Variants in RELN observed in about 807,000 individuals in gnomAD.
The protein encoded by RELN is reelin.
Under a neutral mutation model 427.6 loss-of-function variants are expected in RELN, and 108 were observed. The ratio of observed to expected loss-of-function variants is 0.25; its 90% CI spans 0.22 to 0.30. The LOEUF is 0.30. Among genes scored for constraint, RELN ranks in the 10% least tolerant of loss-of-function variants. RELN has a pLI of 1.00. For synonymous variants in RELN, 1,524 were observed against 1,513.4 expected (o/e 1.01, Z -0.16); for missense variants, 3,715 against 4,302.8 (o/e 0.86, Z 3.82).
intron 2 of RELN, among the ~76,000 whole-genome samples, chr7:103,854,777 G>A (rs1162389509): frequency 6.6e-6 from 1 of 152,178 alleles, no homozygotes; most frequent in African/African-American, 2.4e-5. Flanking sequence ...CCTGAACTTG[G>A]CAGAATGTGT....
intron 20 of RELN, among the ~76,000 whole-genome samples, chr7:103,624,726 T>C (rs112327417): frequency 2.2e-3 from 334 of 152,326 alleles, no homozygotes; most frequent in African/African-American, 7.7e-3. Context: ...CCTGGCCTCC[T>C]CATGCCTTTT....
chr7:103,950,446 G>GA (rs796679420), intron 1 of RELN, among the ~76,000 whole-genome samples: 5 of 151,584 alleles, frequency 3.3e-5, no homozygotes, highest in Non-Finnish European at 4.4e-5. Context: ...CTAAGATTAT[G>GA]AAAAAAAATC....
At chr7:103,687,948 C>T (rs546983317) in intron 10 of RELN, among the ~76,000 whole-genome samples, 1 of 152,048 alleles carries the variant, frequency 6.6e-6, no homozygotes, top group Non-Finnish European at 1.5e-5. Context: ...ACAAATAGGC[C>T]TCATTGGGGG....
rs747919198 is a variant in RELN, at chr7:103,594,426, G to T, written c.3606C>A (p.Pro1202=). The change falls in exon 26 of 65, where the codon CCC becomes CCA. Residue 1202 remains proline (P), a synonymous_variant. Coordinates refer to ENST00000428762, the MANE Select transcript of RELN (RefSeq NM_005045.4). ...TPCTRFRWWQ[P]VFSGEDYDQW... is the part of the protein sequence containing the mutation. ...GGTCATAGTCCTCCCCTGAGAACAC[G>T]GGCTGCCACCAGCGGAACCTGGTGC... 8.7e-6 allele frequency: 14 copies of T among 1,613,864 alleles called. No homozygotes were observed. The highest frequency in any genetic ancestry group is 1.7e-5 in the Admixed American group (1 of 59,996).
intron 1 of RELN, among the ~76,000 whole-genome samples, chr7:103,962,716 C>G (rs74957384): frequency 6.6e-6 from 1 of 151,830 alleles, no homozygotes; most frequent in Non-Finnish European, 1.5e-5. Context: ...ATTCAGGAGT[C>G]TGCCATTACC....
chr7:103,711,463 G>C (rs901721566), intron 8 of RELN, among the ~76,000 whole-genome samples: 9 of 152,226 alleles, frequency 5.9e-5, no homozygotes, highest in South Asian at 2.1e-4. Context: ...TTTCCACTTT[G>C]CTTAGCACGG....
chr7:103,949,538 GC>G (rs1796292446), intron 1 of RELN, among the ~76,000 whole-genome samples: 1 of 104,772 alleles, frequency 9.5e-6, no homozygotes, highest in Non-Finnish European at 2.0e-5. Context: ...TCTCTTCCCC[GC>G]CCCCCAACCC....
intron 1 of RELN, among the ~76,000 whole-genome samples, chr7:103,943,111 G>A (rs569049193): frequency 6.6e-6 from 1 of 152,254 alleles, no homozygotes; most frequent in South Asian, 2.1e-4. Flanking sequence ...CTTCTAAATT[G>A]AATACAATAA....
intron 46 of RELN, among the ~76,000 whole-genome samples, chr7:103,534,718 T>C (rs1189552895): frequency 1.3e-5 from 2 of 152,098 alleles, no homozygotes; most frequent in Non-Finnish European, 2.9e-5. Context: ...CTTGAACTCC[T>C]AGTCTCAAGT....
Position 103,489,678 on chromosome 7 carries a change from A to G in RELN, c.9763+64T>C, listed in dbSNP as rs1054164388. ...TCCATTTCCTAGTGGACTTTTGTAT[A>G]TATGTTAAGATGAGGAGAACCTCTT... On this transcript the variant is annotated intron_variant, in intron 60 of 64. Coordinates refer to ENST00000428762, the MANE Select transcript of RELN (RefSeq NM_005045.4). The G allele has an allele frequency of 8.3e-5, 130 of 1,568,776 alleles. 2 individuals carry two copies. In the Admixed American group the frequency reaches 1.2e-3, roughly 15 times the overall value.
chr7:103,820,986 TA>T (rs919049566), intron 3 of RELN, among the ~76,000 whole-genome samples: 2 of 152,086 alleles, frequency 1.3e-5, no homozygotes, highest in African/African-American at 2.4e-5. Flanking sequence ...ACTTATTTGT[TA>T]AAAAAAGTCA....
intron 2 of RELN, among the ~76,000 whole-genome samples, chr7:103,856,615 T>C (rs1487148508): frequency 6.8e-6 from 1 of 147,400 alleles, no homozygotes; most frequent in Non-Finnish European, 1.5e-5. Flanking sequence ...AAAGCAAATA[T>C]GTTGACAAAA....
At chr7:103,667,291 T>C (rs1833290576) in intron 11 of RELN, among the ~76,000 whole-genome samples, 1 of 152,208 alleles carries the variant, frequency 6.6e-6, no homozygotes, top group African/African-American at 2.4e-5. Flanking sequence ...ATCAGGAGTG[T>C]TAACAAATTA....
intron 63 of RELN, among the ~76,000 whole-genome samples, chr7:103,478,709 T>C (rs1828125209): frequency 1.3e-5 from 2 of 152,280 alleles, no homozygotes; most frequent in Non-Finnish European, 2.9e-5. Context: ...GCTTAATAAC[T>C]ACTAATTTTA....
At chr7:103,836,483 G>A (rs543186722) in intron 2 of RELN, among the ~76,000 whole-genome samples, 6 of 152,126 alleles carry the variant, frequency 3.9e-5, no homozygotes, top group East Asian at 1.9e-4. Context: ...TGATGTCACC[G>A]GCCTTCAAGA....
In RELN at chr7:103,519,228, A is replaced by G. The variant is rs1829643652; in HGVS notation, c.7862+95T>C. 3 of 928,984 alleles carry G rather than the reference A, an allele frequency of 3.2e-6. No homozygotes were observed. The South Asian group carries it at 4.0e-5, about 12-fold the overall frequency. The allele number at this position is 928,984 out of a possible 1,614,324, so 57.5% of individuals were successfully genotyped here. A position where few individuals can be genotyped will look rare whatever the true frequency, so the allele number is the denominator to read the frequency against. On this transcript the variant is annotated intron_variant, in intron 49 of 64. Transcript: ENST00000428762. ...TCTCAGAGGCATCCTCTAGTGAGGC[A>G]TAAGTCTGAGGTCCCCCTCAGTCTC...
intron 64 of RELN, among the ~76,000 whole-genome samples, chr7:103,475,713 G>A (rs570432294): frequency 9.2e-5 from 14 of 152,088 alleles, no homozygotes; most frequent in African/African-American, 2.4e-4. Context: ...TTAAAGCAAC[G>A]TCTCCATATA....
At chr7:103,488,455 C>A (rs1045047447) in intron 60 of RELN, among the ~76,000 whole-genome samples, 2 of 152,158 alleles carry the variant, frequency 1.3e-5, no homozygotes, top group Admixed American at 1.3e-4. Flanking sequence ...ACAGACCCAG[C>A]CGGTCTCAGT....
At chr7:103,770,641 ATT>A (rs201761464) in intron 4 of RELN, among the ~76,000 whole-genome samples, 1 of 122,678 alleles carries the variant, frequency 8.2e-6, no homozygotes, top group East Asian at 2.2e-4. Flanking sequence ...CTCTTTCCTT[ATT>A]TTTTTTAAAA....
Sources: gnomAD v4.1 joint callset for allele counts (sites outside exome capture counted in the v4.1 genomes callset) on GRCh38, gnomAD v4.1.1 for gene constraint, MANE v1.5 for transcripts, NCBI Gene and HGNC (gene_info 2026-07-23, HGNC 2026-07-21) for gene names.